Variants in CCDC102B observed in about 807,000 individuals in gnomAD.
The protein encoded by CCDC102B is coiled-coil domain containing 102B, also known as coiled-coil domain-containing protein 102B.
A neutral mutation model predicts 57.4 loss-of-function variants in CCDC102B; 75 were observed. The observed-to-expected ratio is 1.31, with a 90% confidence interval of 1.08 to 1.58. CCDC102B has a LOEUF of 1.58. Among genes scored for constraint, CCDC102B ranks in the 40% most tolerant of loss-of-function variants. The pLI is 0.00. For synonymous variants in CCDC102B, 206 were observed against 201.9 expected (o/e 1.02, Z -0.17); for missense variants, 636 against 582.6 (o/e 1.09, Z -0.94).
intron 7 of CCDC102B, among the ~76,000 whole-genome samples, chr18:69,027,129 G>A (rs773165539): frequency 8.5e-5 from 13 of 152,296 alleles, no homozygotes; most frequent in Non-Finnish European, 1.3e-4. Context: ...AAAAATGGTC[G>A]TTTTCCACAG....
At chr18:68,731,699 G>A (rs1303272117) in intron 2 of CCDC102B, among the ~76,000 whole-genome samples, 1 of 148,938 alleles carries the variant, frequency 6.7e-6, no homozygotes, top group Non-Finnish European at 1.5e-5. Flanking sequence ...TTGTCTATGT[G>A]TGTATATAAT....
chr18:68,827,920 A>G (rs1043063591), intron 1 of CCDC102B, among the ~76,000 whole-genome samples: 3 of 151,982 alleles, frequency 2.0e-5, no homozygotes, highest in Non-Finnish European at 4.4e-5. Context: ...TTAATATCAG[A>G]GATGTCACTT....
intron 4 of CCDC102B, among the ~76,000 whole-genome samples, chr18:68,859,867 G>T (rs1370789815): frequency 1.3e-5 from 1 of 74,086 alleles, no homozygotes; most frequent in African/African-American, 3.7e-5. Flanking sequence ...CTGTAAACTA[G>T]TTCAACCATT....
Position 68,846,356 on chromosome 18 carries a change from G to T in CCDC102B, c.871G>T (p.Ala291Ser), listed in dbSNP as rs1421250900. The stretch of plus-strand genomic sequence containing the variant: ...AAAAGAAATAGAGAGACTGGAGTCG[G>T]CTTTGTCTCTGTGGAAGTGGAAGTA... ...LEKEIERLES[A>S]LSLWKWKYEE... is the part of the protein sequence containing the mutation. Residue 291 changes from alanine to serine, a missense_variant, in exon 4 of 8, where the codon GCT becomes TCT. By Grantham distance (99) the Ala-to-Ser change is moderately conservative. Coordinates refer to ENST00000360242, the MANE Select transcript of CCDC102B (RefSeq NM_024781.3). 6 of 1,584,928 alleles carry T rather than the reference G, an allele frequency of 3.8e-6. No homozygotes were observed. The highest frequency in any genetic ancestry group is 5.1e-6 in the Non-Finnish European group (6 of 1,167,670).
chr18:68,781,549 G>A (rs1169152370), intron 2 of CCDC102B, among the ~76,000 whole-genome samples: 1 of 152,146 alleles, frequency 6.6e-6, no homozygotes, highest in East Asian at 1.9e-4. Flanking sequence ...ATTAATGGGA[G>A]AAGTTTCACT....
At chr18:68,895,486 A>T (rs2040210603) in intron 5 of CCDC102B, among the ~76,000 whole-genome samples, 1 of 151,822 alleles carries the variant, frequency 6.6e-6, no homozygotes, top group African/African-American at 2.4e-5. Context: ...AGAATTTAGC[A>T]TGTCATAGCA....
chr18:68,764,382 A>G lies in CCDC102B; in HGVS notation c.-67+47788A>G, dbSNP rs370806459. On this transcript the variant is annotated intron_variant, in intron 2 of 3. Coordinates refer to the CCDC102B transcript ENST00000578970. ...TATGAGGAAAGTTTGCATGACTTCTAGTTTTACAGATAAGTAGCTAAGGCT... is the reference window on the plus strand; with the variant it reads ...TATGAGGAAAGTTTGCATGACTTCTGGTTTTACAGATAAGTAGCTAAGGCT... Among the ~76,000 whole-genome samples, 19 of 152,308 alleles carry G rather than the reference A, an allele frequency of 1.2e-4. No individual in the cohort carries two copies. In the East Asian group the frequency reaches 2.7e-3, roughly 22 times the overall value.
intron 1 of CCDC102B, among the ~76,000 whole-genome samples, chr18:68,815,135 G>GT (rs2036424227): frequency 6.6e-6 from 1 of 152,008 alleles, no homozygotes; most frequent in South Asian, 2.1e-4. Flanking sequence ...TTGTTCTGAG[G>GT]TTTTAAGTCA....
intron 6 of CCDC102B, among the ~76,000 whole-genome samples, chr18:68,962,373 C>T (rs2050066985): frequency 6.6e-6 from 1 of 152,054 alleles, no homozygotes; most frequent in Non-Finnish European, 1.5e-5. Context: ...TCTGACGTGT[C>T]AATACAACCT....
At chr18:69,056,636 A>AATAGATAGATAGATGGATGG (rs1555678888), downstream of CCDC102B, among the ~76,000 whole-genome samples, 6 of 121,918 alleles carry the variant, frequency 4.9e-5, no homozygotes, top group African/African-American at 1.7e-4. Flanking sequence ...ATAGATAGAT[A>AATAGATAGATAGATGGATGG]ATAGATAGAT....
chr18:69,007,816 G>A (rs966703228), intron 6 of CCDC102B, among the ~76,000 whole-genome samples: 4 of 152,230 alleles, frequency 2.6e-5, no homozygotes, highest in African/African-American at 4.8e-5. Flanking sequence ...TATAAAAATG[G>A]CCTATGGCCG....
At chr18:68,890,555 C>T (rs758721687) in intron 5 of CCDC102B, among the ~76,000 whole-genome samples, 6 of 152,174 alleles carry the variant, frequency 3.9e-5, no homozygotes, top group Admixed American at 6.5e-5. Context: ...TATCACAAAA[C>T]GCACAAGCAA....
chr18:68,770,796 T>C (rs1458614446), intron 2 of CCDC102B, among the ~76,000 whole-genome samples: 5 of 152,220 alleles, frequency 3.3e-5, no homozygotes, highest in Admixed American at 1.3e-4. Context: ...TTGTAATATA[T>C]CTTGATGCAT....
chr18:69,047,063 T>C (rs1413896566), intron 7 of CCDC102B, among the ~76,000 whole-genome samples: 2 of 152,124 alleles, frequency 1.3e-5, no homozygotes, highest in African/African-American at 4.8e-5. Context: ...TGCTTAGAAT[T>C]GCCTTGGCTA....
At chr18:68,784,553 G>A (rs555620411) in intron 2 of CCDC102B, among the ~76,000 whole-genome samples, 1 of 152,056 alleles carries the variant, frequency 6.6e-6, no homozygotes, top group Non-Finnish European at 1.5e-5. Context: ...CTAATTAAAT[G>A]TAATACTTTA....
chr18:68,782,648 A>T (rs1298345443), intron 2 of CCDC102B, among the ~76,000 whole-genome samples: 1 of 152,166 alleles, frequency 6.6e-6, no homozygotes, highest in Non-Finnish European at 1.5e-5. Flanking sequence ...TCACTCTCTA[A>T]TTTCCAGTAG....
chr18:69,049,877 T>G (rs2145494907), intron 7 of CCDC102B, among the ~76,000 whole-genome samples: 1 of 152,046 alleles, frequency 6.6e-6, no homozygotes, highest in Non-Finnish European at 1.5e-5. Context: ...TGGCTCAATC[T>G]CGGCTCACTG....
intron 7 of CCDC102B, among the ~76,000 whole-genome samples, chr18:69,048,925 C>G (rs1358117289): frequency 6.6e-6 from 1 of 151,670 alleles, no homozygotes; most frequent in Non-Finnish European, 1.5e-5. Flanking sequence ...TATTTTTAAA[C>G]TCTTGGTTTT....
At chr18:68,818,070 A>G (rs7232339) in intron 1 of CCDC102B, among the ~76,000 whole-genome samples, 65,443 of 151,768 alleles carry the variant, frequency 0.43, 15,377 homozygotes, top group East Asian at 0.86. Context: ...TCCATATTAA[A>G]CTACATTATT....
Sources: allele counts gnomAD v4.1 joint callset (sites outside exome capture counted in the v4.1 genomes callset), GRCh38; gene constraint gnomAD v4.1.1; transcripts MANE v1.5; gene names NCBI Gene and HGNC (gene_info 2026-07-23, HGNC 2026-07-21).